SUGP2: variants seen among roughly 807,000 people sequenced by gnomAD.
SUGP2 encodes SURP and G-patch domain containing 2.
Under a neutral mutation model 90.5 loss-of-function variants are expected in SUGP2, and 24 were observed. That is an observed-to-expected ratio of 0.27 (90% CI 0.19 to 0.37). The LOEUF (loss-of-function observed/expected upper bound fraction) is 0.37. Ranked by LOEUF, SUGP2 falls within the 10% of genes least tolerant of loss-of-function variation. The pLI, the probability that SUGP2 is intolerant of heterozygous loss-of-function variation, is 1.00. For synonymous variants in SUGP2, 473 were observed against 513.4 expected, an observed-to-expected ratio of 0.92 and a Z score of 1.06; for missense variants, 1,233 against 1,363.3, an observed-to-expected ratio of 0.90 and a Z score of 1.51.
chr19:19,020,431 CAAAAA>C, intron 3 of SUGP2, among the ~76,000 whole-genome samples: 1 of 120,436 alleles, frequency 8.3e-6, no homozygotes, highest in Admixed American at 8.1e-5. Context: ...GACCCTGTCT[CAAAAA>C]AAAAAAAAGG....
intron 8 of SUGP2, 91 bp downstream of exon 8, chr19:19,001,522 C>T: frequency 7.6e-7 from 1 of 1,308,078 alleles, no homozygotes; most frequent in Non-Finnish European, 1.1e-6. Flanking sequence ...AATGTTAGCA[C>T]AGCTTAATCA....
chr19:19,014,982 A>G (rs1306390265), intron 4 of SUGP2, among the ~76,000 whole-genome samples: 1 of 152,080 alleles, frequency 6.6e-6, no homozygotes, highest in Non-Finnish European at 1.5e-5. Context: ...CAGGAGGATC[A>G]TGAGGTCAGG....
At chr19:18,999,460 T>G (rs2057744841) in intron 8 of SUGP2, among the ~76,000 whole-genome samples, 1 of 152,176 alleles carries the variant, frequency 6.6e-6, no homozygotes, top group African/African-American at 2.4e-5. Flanking sequence ...AACTACTCGG[T>G]GGCAGGGCTG....
At position 19,025,810 on chromosome 19, in the gene SUGP2, C is replaced by T; in HGVS notation, c.538G>A (p.Glu180Lys). 1 of 1,614,076 alleles carries T rather than the reference C, an allele frequency of 6.2e-7. No homozygotes were observed. The highest frequency in any genetic ancestry group is 8.5e-7 in the Non-Finnish European group (1 of 1,180,014). The change falls in exon 3 of 11, where the codon GAG becomes AAG. Residue 180 changes from glutamate to lysine, a missense_variant. Physicochemically the swap from Glu to Lys is moderately conservative, Grantham distance 56. This residue lies in a region of SUGP2 where 418 missense variants were observed against 399.9 expected (regional missense o/e 1.05). Transcript: ENST00000452918. ...LGDFGSSRLI[E>K]KECLEKESRD... ...CTCTCCTTCTCCAAACACTCTTTCT[C>T]AATCAGCCTGGAAGATCCAAAGTCC... is the stretch of plus-strand genomic sequence containing the variant.
chr19:18,995,618 G>C (rs2057543593), intron 8 of SUGP2, among the ~76,000 whole-genome samples: 1 of 152,158 alleles, frequency 6.6e-6, no homozygotes, highest in Admixed American at 6.5e-5. Flanking sequence ...ATAAAGAAGG[G>C]TGGCCCTGTG....
chr19:19,013,053 G>A (rs971997192), intron 4 of SUGP2, among the ~76,000 whole-genome samples: 1 of 152,066 alleles, frequency 6.6e-6, no homozygotes, highest in Non-Finnish European at 1.5e-5. Flanking sequence ...TTTTAGCAGA[G>A]ATGGGGTTTC....
At chr19:19,000,069 G>A (rs1382272711) in intron 8 of SUGP2, among the ~76,000 whole-genome samples, 3 of 152,124 alleles carry the variant, frequency 2.0e-5, no homozygotes, top group Non-Finnish European at 2.9e-5. Context: ...CACCCTAGTG[G>A]CCACATCCAC....
At chr19:18,996,858 T>C (rs2057615928) in intron 8 of SUGP2, among the ~76,000 whole-genome samples, 1 of 152,002 alleles carries the variant, frequency 6.6e-6, no homozygotes, top group Non-Finnish European at 1.5e-5. Flanking sequence ...GCCTGGCTGA[T>C]GTATTTATTT....
chr19:19,032,293 G>T (rs2059198396), intron 1 of SUGP2, among the ~76,000 whole-genome samples: 1 of 151,752 alleles, frequency 6.6e-6, no homozygotes, highest in Non-Finnish European at 1.5e-5. Context: ...TGAGTAGCTG[G>T]GATTACAGGA....
chr19:19,019,925 T>C (rs943121292), intron 3 of SUGP2, among the ~76,000 whole-genome samples: 8 of 135,862 alleles, frequency 5.9e-5, no homozygotes, highest in African/African-American at 1.7e-4. Flanking sequence ...GCGGGGTGGA[T>C]TGCCTGAGCT....
Position 19,025,944 on chromosome 19 carries a change from T to G in SUGP2, c.404A>C (p.Asp135Ala). Residue 135 changes from aspartate (D) to alanine (A), a missense_variant, in exon 3 of 11, where the codon GAC becomes GCC. Coordinates refer to ENST00000452918, the MANE Select transcript of SUGP2 (RefSeq NM_001017392.5). ...HRKLGHFRSQDWKFALRGSWE... is the reference protein window; with the variant it reads ...HRKLGHFRSQAWKFALRGSWE... ...AGAACCACGGAGCGCAAATTTCCAG[T>G]CCTGAGAACGGAAATGCCCCAATTT... The G allele has an allele frequency of 6.2e-7, 1 of 1,614,072 alleles. No homozygotes were observed. The highest frequency in any genetic ancestry group is 1.1e-5 in the South Asian group (1 of 91,082).
intron 4 of SUGP2, among the ~76,000 whole-genome samples, chr19:19,014,318 C>G (rs568465175): frequency 6.6e-6 from 1 of 151,992 alleles, no homozygotes; most frequent in Admixed American, 6.6e-5. Flanking sequence ...GTGCACGACA[C>G]GAGGCAGGTC....
chr19:19,029,378 C>T (rs970894796), intron 2 of SUGP2, among the ~76,000 whole-genome samples: 7 of 151,642 alleles, frequency 4.6e-5, no homozygotes, highest in African/African-American at 1.2e-4. Context: ...TTGTGATCCG[C>T]CCGCCTCGGC....
chr19:18,995,759 C>T (rs1568373196), intron 8 of SUGP2, among the ~76,000 whole-genome samples: 1 of 152,212 alleles, frequency 6.6e-6, no homozygotes, highest in Non-Finnish European at 1.5e-5. Flanking sequence ...CATACCCCTC[C>T]CCGAGTGCTT....
At chr19:18,999,734 T>C (rs964630993) in intron 8 of SUGP2, among the ~76,000 whole-genome samples, 3 of 152,120 alleles carry the variant, frequency 2.0e-5, no homozygotes, top group Non-Finnish European at 4.4e-5. Flanking sequence ...CTCCCCGCCC[T>C]CCTCCCTGAC....
In SUGP2 at chr19:19,025,801, A is replaced by G. The variant is rs764057406; in HGVS notation, c.547T>C (p.Cys183Arg). 1 of 1,613,212 alleles carries G rather than the reference A, an allele frequency of 6.2e-7. No individual in the cohort carries two copies. The highest frequency in any genetic ancestry group is 8.5e-7 in the Non-Finnish European group (1 of 1,179,828). The change falls in exon 3 of 11, where the codon TGT (cysteine) becomes CGT (arginine). Residue 183 changes from cysteine to arginine, a missense_variant. By Grantham distance (180) the Cys-to-Arg change is radical. This residue lies in a region of SUGP2 where 418 missense variants were observed against 399.9 expected (regional missense o/e 1.05). Transcript: ENST00000452918. ...TAATCCCGACTCTCCTTCTCCAAAC[A>G]CTCTTTCTCAATCAGCCTGGAAGAT... ...FGSSRLIEKE[C>R]LEKESRDYDV...
chr19:19,028,656 G>A (rs1251522679), intron 2 of SUGP2, among the ~76,000 whole-genome samples: 2 of 152,160 alleles, frequency 1.3e-5, no homozygotes, highest in East Asian at 1.9e-4. Flanking sequence ...GAATCACCTA[G>A]CATACTGCTA....
At chr19:19,027,480 C>T (rs2058979980) in intron 2 of SUGP2, among the ~76,000 whole-genome samples, 2 of 152,204 alleles carry the variant, frequency 1.3e-5, no homozygotes, top group South Asian at 4.1e-4. Flanking sequence ...GAGAACTCTT[C>T]CAAACTTGTC....
intron 1 of SUGP2, chr19:19,033,134 C>T: frequency 6.0e-6 from 1 of 167,892 alleles, no homozygotes; most frequent in Non-Finnish European, 1.3e-5. Flanking sequence ...CGCTGGGCGC[C>T]GTTATCTCCT....
Sources: allele counts gnomAD v4.1 joint callset (sites outside exome capture counted in the v4.1 genomes callset), GRCh38; gene constraint gnomAD v4.1.1; regional missense constraint gnomAD v4.1.1; transcripts MANE v1.5; gene names NCBI Gene and HGNC (gene_info 2026-07-23, HGNC 2026-07-21).